Variants in FGF14 observed in about 807,000 individuals in gnomAD.
FGF14 encodes the protein fibroblast growth factor homologous factor 4.
Under a neutral mutation model 25.5 loss-of-function variants are expected in FGF14, and 5 were observed. That is an observed-to-expected ratio of 0.20 (90% confidence interval 0.10 to 0.41). The LOEUF (loss-of-function observed/expected upper bound fraction) is 0.41, where lower values mean the gene tolerates loss of function less well. Among genes scored for constraint, FGF14 ranks in the 10% least tolerant of loss-of-function variants. The pLI is 1.00. For synonymous variants in FGF14, 138 were observed against 118.3 expected (o/e 1.17, Z -1.08); for missense variants, 222 against 320.1 (o/e 0.69, Z 2.34).
chr13:101,882,233 C>T (rs1057314704), intron 1 of FGF14, among the ~76,000 whole-genome samples: 5 of 152,092 alleles, frequency 3.3e-5, no homozygotes, highest in Non-Finnish European at 5.9e-5. Flanking sequence ...GATTCATTCA[C>T]AGAATTTTCC....
At chr13:102,151,865 T>A (rs1446570162) in intron 1 of FGF14, among the ~76,000 whole-genome samples, 1 of 152,200 alleles carries the variant, frequency 6.6e-6, no homozygotes, top group Admixed American at 6.5e-5. Context: ...AATACTTACA[T>A]AATATTTATA....
At chr13:102,366,785 C>T (rs542225634) in intron 1 of FGF14, among the ~76,000 whole-genome samples, 3 of 152,176 alleles carry the variant, frequency 2.0e-5, no homozygotes, top group Admixed American at 6.5e-5. Flanking sequence ...CAGAAAAATA[C>T]ACATCTGATG....
chr13:102,087,345 A>C (rs1215589308), intron 1 of FGF14, among the ~76,000 whole-genome samples: 1 of 150,710 alleles, frequency 6.6e-6, no homozygotes, highest in African/African-American at 2.4e-5. Flanking sequence ...TAGCAATGGG[A>C]CCTGGGGCAA....
rs1031130102 is a variant in FGF14 at position 102,322,247 on chromosome 13, C to T, written c.208+79224G>A. 3.3e-5 allele frequency among the ~76,000 whole-genome samples: 5 copies of T among 152,252 alleles called. 1 individual carries two copies. The highest frequency in any genetic ancestry group is 1.5e-5 in the Non-Finnish European group (1 of 68,028). ...GTTAACTCAGTGGCTTAATGCTTGC[C>T]GTGAAGCATCTTTAAACGGAAACAT... On this transcript the variant is annotated intron_variant, in intron 1 of 4. Transcript: ENST00000376131.
intron 1 of FGF14, among the ~76,000 whole-genome samples, chr13:101,972,755 C>T (rs947775218): frequency 5.9e-5 from 9 of 152,158 alleles, no homozygotes; most frequent in Admixed American, 3.9e-4. Flanking sequence ...GCTATCCTCC[C>T]GCCTCTGCCT....
At chr13:101,734,171 G>A (rs1035352058) in intron 3 of FGF14, among the ~76,000 whole-genome samples, 17 of 152,032 alleles carry the variant, frequency 1.1e-4, no homozygotes, top group Admixed American at 1.3e-4. Flanking sequence ...GCATTTTAAC[G>A]AGGTCCCAGG....
intron 1 of FGF14, among the ~76,000 whole-genome samples, chr13:102,223,987 GT>G (rs1225321399): frequency 1.3e-5 from 2 of 152,100 alleles, no homozygotes; most frequent in Non-Finnish European, 2.9e-5. Context: ...AATCAGGATG[GT>G]GAGAGATACG....
chr13:101,882,067 ATTC>A (rs2045738829), intron 1 of FGF14, among the ~76,000 whole-genome samples: 1 of 151,566 alleles, frequency 6.6e-6, no homozygotes, highest in African/African-American at 2.4e-5. Flanking sequence ...TCTAAATACT[ATTC>A]TTTTTTTAAC....
rs1264625615 is a variant in FGF14 at position 101,755,306 on chromosome 13, TTA to T, written c.409-28498_409-28497del. 2.6e-5 allele frequency among the ~76,000 whole-genome samples: 4 copies of T among 152,286 alleles called. No individual in the cohort carries two copies. The East Asian group carries it at 5.8e-4, about 22-fold the overall frequency. On this transcript the variant is annotated intron_variant, in intron 3 of 4. Transcript: ENST00000376143. The stretch of plus-strand genomic sequence containing the variant: ...CTTGTATATTCTTTCCCAATTTTCT[TTA>T]TGTCTGTCAATTGCCTCTTAAACTT...
In FGF14 at chr13:101,714,308, C is replaced by T; in HGVS notation, c.*8523G>A. ...TAAAGCTCCCCTCTGAGAAACCAGC[C>T]ATTCAATACACTTTTACCTTTGGAT... On this transcript the variant is annotated 3_prime_UTR_variant, in exon 5 of 5. Coordinates refer to ENST00000376143, the MANE Select transcript of FGF14 (RefSeq NM_004115.4). The T allele has an allele frequency of 1.5e-6, 1 of 670,032 alleles. No homozygotes were observed. The highest frequency in any genetic ancestry group is 2.4e-5 in the Admixed American group (1 of 41,110). 41.5% of individuals were successfully genotyped at this position (670,032 alleles called of 1,614,324 possible). A position where few individuals can be genotyped will look rare whatever the true frequency, so the allele number is the denominator to read the frequency against.
At chr13:101,968,129 C>T (rs12427582) in intron 1 of FGF14, among the ~76,000 whole-genome samples, 8 of 152,150 alleles carry the variant, frequency 5.3e-5, no homozygotes, top group Admixed American at 5.2e-4. Flanking sequence ...TACAACCAAC[C>T]TCTGTTACTC....
intron 1 of FGF14, among the ~76,000 whole-genome samples, chr13:102,053,848 G>A (rs1434659695): frequency 2.0e-5 from 3 of 152,044 alleles, no homozygotes; most frequent in Non-Finnish European, 4.4e-5. Context: ...CTTCATTTAT[G>A]TTCTGTTTCT....
intron 3 of FGF14, among the ~76,000 whole-genome samples, chr13:101,818,897 T>A (rs1485529512): frequency 6.6e-6 from 1 of 152,184 alleles, no homozygotes; most frequent in African/African-American, 2.4e-5. Flanking sequence ...CATTCGTTCA[T>A]CTATGCATTA....
chr13:102,060,147 T>G (rs534411571), intron 1 of FGF14, among the ~76,000 whole-genome samples: 3 of 146,762 alleles, frequency 2.0e-5, no homozygotes, highest in African/African-American at 8.0e-5. Flanking sequence ...TATAATATGA[T>G]GCAAATATTC....
intron 1 of FGF14, among the ~76,000 whole-genome samples, chr13:102,141,970 T>A (rs1193778789): frequency 1.3e-5 from 2 of 152,186 alleles, no homozygotes; most frequent in Non-Finnish European, 2.9e-5. Context: ...CCGTGTACCA[T>A]TTTGTTCTCT....
At chr13:102,145,970 A>T (rs1267250196) in intron 1 of FGF14, among the ~76,000 whole-genome samples, 1 of 152,244 alleles carries the variant, frequency 6.6e-6, no homozygotes, top group Non-Finnish European at 1.5e-5. Context: ...ATTGTGCATT[A>T]GGAGAAAACA....
intron 1 of FGF14, among the ~76,000 whole-genome samples, chr13:102,237,776 AATAATT>A (rs1190513902): frequency 1.3e-5 from 2 of 152,214 alleles, no homozygotes; most frequent in African/African-American, 4.8e-5. Flanking sequence ...ATTAACAAAT[AATAATT>A]ATGAGTTTAA....
intron 1 of FGF14, among the ~76,000 whole-genome samples, chr13:102,018,244 A>G (rs113989573): frequency 0.032 from 4,876 of 152,252 alleles, 252 homozygotes; most frequent in African/African-American, 0.11. Context: ...TGTGGGCACA[A>G]CTGTTTCCTC....
intron 1 of FGF14, among the ~76,000 whole-genome samples, chr13:102,192,395 G>A (rs1282462154): frequency 6.6e-6 from 1 of 152,102 alleles, no homozygotes; most frequent in African/African-American, 2.4e-5. Flanking sequence ...TCATTACCAC[G>A]ATCTCTTTAT....
Sources: allele counts gnomAD v4.1 joint callset (sites outside exome capture counted in the v4.1 genomes callset), GRCh38; gene constraint gnomAD v4.1.1; transcripts MANE v1.5; gene names NCBI Gene and HGNC (gene_info 2026-07-23, HGNC 2026-07-21).